The following WWOX variants were observed in gnomAD, a reference collection of about 807,000 sequenced individuals.
The protein encoded by WWOX is WW domain containing oxidoreductase, also known as WW domain-containing oxidoreductase.
A neutral mutation model predicts 46.2 loss-of-function variants in WWOX; 69 were observed. That is an observed-to-expected ratio of 1.49 (90% CI 1.23 to 1.82). The LOEUF (loss-of-function observed/expected upper bound fraction) is 1.82, where lower values mean the gene tolerates loss of function less well. WWOX is among the 40% of genes most tolerant of loss of function. WWOX has a pLI of 0.00. For synonymous variants in WWOX, 359 were observed against 202.6 expected (o/e 1.77, Z -6.56); for missense variants, 919 against 542.6 (o/e 1.69, Z -6.89).
At chr16:78,108,397 A>G in intron 1 of WWOX, 26 bp from the exon 2 acceptor site, 1 of 1,599,434 alleles carries the variant, frequency 6.3e-7, no homozygotes, top group Non-Finnish European at 8.6e-7. Flanking sequence ...TTTACTTATT[A>G]CTGTGGATTT....
At chr16:78,593,039 G>C (rs996735586) in intron 8 of WWOX, among the ~76,000 whole-genome samples, 7 of 152,178 alleles carry the variant, frequency 4.6e-5, no homozygotes, top group African/African-American at 1.7e-4. Flanking sequence ...TTCAGTCCTA[G>C]CACCAATGTG....
intron 4 of WWOX, chr16:78,145,939 A>G (rs2034183717): frequency 6.6e-6 from 1 of 152,132 alleles, no homozygotes; most frequent in Admixed American, 6.6e-5. Context: ...GAATCGTAAG[A>G]TTCCTGATCT....
At chr16:78,946,788 C>G (rs1291559244) in intron 8 of WWOX, among the ~76,000 whole-genome samples, 1 of 151,938 alleles carries the variant, frequency 6.6e-6, no homozygotes, top group African/African-American at 2.4e-5. Flanking sequence ...CGGGGGAGCT[C>G]AGTGCAAGAC....
At chr16:79,207,401 A>G (rs909848784) in intron 8 of WWOX, among the ~76,000 whole-genome samples, 1 of 152,248 alleles carries the variant, frequency 6.6e-6, no homozygotes, top group Admixed American at 6.5e-5. Context: ...TCATGGGAAC[A>G]CTGCCGTCTT....
intron 8 of WWOX, among the ~76,000 whole-genome samples, chr16:78,493,794 G>A (rs1401842495): frequency 6.6e-6 from 1 of 152,156 alleles, no homozygotes; most frequent in African/African-American, 2.4e-5. Context: ...GAGCATAGAG[G>A]TGGAATTGTT....
At chr16:78,967,783 C>T (rs533091132) in intron 8 of WWOX, among the ~76,000 whole-genome samples, 12 of 152,098 alleles carry the variant, frequency 7.9e-5, no homozygotes, top group Non-Finnish European at 1.3e-4. Context: ...GCACAGAGTT[C>T]CAAATCTTTG....
intron 8 of WWOX, among the ~76,000 whole-genome samples, chr16:78,610,774 T>G (rs1399887109): frequency 2.6e-5 from 4 of 152,148 alleles, no homozygotes; most frequent in African/African-American, 9.7e-5. Context: ...TCTGATATTA[T>G]AAAATCTGGA....
intron 8 of WWOX, among the ~76,000 whole-genome samples, chr16:79,118,242 C>G (rs2049558002): frequency 6.6e-6 from 1 of 152,112 alleles, no homozygotes. Flanking sequence ...TAGGGAGGCC[C>G]AAGGAGGGGG....
chr16:78,851,223 A>G (rs1327961887), intron 8 of WWOX, among the ~76,000 whole-genome samples: 1 of 152,200 alleles, frequency 6.6e-6, no homozygotes, highest in Non-Finnish European at 1.5e-5. Flanking sequence ...TACAGACTCT[A>G]CAATAACCAA....
At chr16:78,917,884 T>G (rs948053748) in intron 8 of WWOX, among the ~76,000 whole-genome samples, 2 of 152,158 alleles carry the variant, frequency 1.3e-5, no homozygotes, top group Admixed American at 1.3e-4. Flanking sequence ...GATCTTGTTT[T>G]TTAAAACAAA....
At chr16:78,205,691 C>G (rs2151781228) in intron 5 of WWOX, among the ~76,000 whole-genome samples, 1 of 152,192 alleles carries the variant, frequency 6.6e-6, no homozygotes, top group Middle Eastern at 3.4e-3. Context: ...ACACATCCAT[C>G]TGTTCATTCA....
chr16:78,478,945 T>G (rs2084421621), intron 8 of WWOX, among the ~76,000 whole-genome samples: 2 of 152,334 alleles, frequency 1.3e-5, no homozygotes, highest in African/African-American at 2.4e-5. Context: ...TCATGGCCCC[T>G]TTTCTCCTTT....
chr16:78,348,663 G>T (rs1358093079), intron 5 of WWOX, among the ~76,000 whole-genome samples: 1 of 119,180 alleles, frequency 8.4e-6, no homozygotes, highest in Non-Finnish European at 2.0e-5. Context: ...TCCCCATGTT[G>T]CCCAGGCTGG....
chr16:78,855,667 A>G (rs906447961), intron 8 of WWOX, among the ~76,000 whole-genome samples: 6 of 152,328 alleles, frequency 3.9e-5, no homozygotes, highest in Non-Finnish European at 5.9e-5. Context: ...TCCAGCCTGT[A>G]TAGACTTAAT....
chr16:78,165,677 G>C (rs1203184470), intron 5 of WWOX, among the ~76,000 whole-genome samples: 1 of 152,164 alleles, frequency 6.6e-6, no homozygotes, highest in Non-Finnish European at 1.5e-5. Flanking sequence ...TGCTGTGAAA[G>C]ATTTCTTGCC....
intron 8 of WWOX, among the ~76,000 whole-genome samples, chr16:78,572,784 C>T (rs567544912): frequency 1.5e-4 from 23 of 151,862 alleles, no homozygotes; most frequent in African/African-American, 1.7e-4. Flanking sequence ...GTGTGAGGGA[C>T]GGGGCATGGT....
At chr16:78,960,240 A>G (rs768345547) in intron 8 of WWOX, among the ~76,000 whole-genome samples, 1 of 152,244 alleles carries the variant, frequency 6.6e-6, no homozygotes, top group Non-Finnish European at 1.5e-5. Flanking sequence ...AATTTGGGTC[A>G]TAGGACAAAG....
intron 8 of WWOX, among the ~76,000 whole-genome samples, chr16:78,635,559 C>G (rs1461793299): frequency 2.0e-5 from 3 of 152,172 alleles, no homozygotes; most frequent in African/African-American, 7.2e-5. Context: ...CTCATCCTCT[C>G]TGCGCCTCAG....
intron 8 of WWOX, among the ~76,000 whole-genome samples, chr16:78,918,033 C>G (rs563451642): frequency 1.3e-5 from 2 of 152,162 alleles, no homozygotes; most frequent in East Asian, 3.9e-4. Flanking sequence ...GAGACCCCAC[C>G]TCTACAAAAT....
Sources: gnomAD v4.1 joint callset for allele counts (sites outside exome capture counted in the v4.1 genomes callset) on GRCh38, gnomAD v4.1.1 for gene constraint, MANE v1.5 for transcripts, NCBI Gene and HGNC (gene_info 2026-07-23, HGNC 2026-07-21) for gene names.